Variants in DOCK1 observed in about 807,000 individuals in gnomAD.
DOCK1 encodes dedicator of cytokinesis protein 1.
Under a neutral mutation model 262.7 loss-of-function variants are expected in DOCK1, and 138 were observed. The observed-to-expected ratio is 0.53, with a 90% CI of 0.46 to 0.61. The LOEUF is 0.61. Ranked by LOEUF, DOCK1 falls within the 20% of genes least tolerant of loss-of-function variation. The probability of loss-of-function intolerance (pLI) is 0.00; values close to 1 mark genes in which losing one functional copy is unlikely to be tolerated. For synonymous variants in DOCK1, 866 were observed against 867.4 expected (o/e 1.00, Z 0.03); for missense variants, 1,908 against 2,370.7 (o/e 0.80, Z 4.05).
In DOCK1 at chr10:127,277,007, T is replaced by C. The variant is rs138622725; in HGVS notation, c.3044+19578T>C. On this transcript the variant is annotated intron_variant, in intron 29 of 51. Coordinates refer to ENST00000623213, the MANE Select transcript of DOCK1 (RefSeq NM_001290223.2). ...ATCACGTTGATGTGGAGGGGCCTCA[T>C]CTCTCTGGTCCAGCTGGAAATGTGA... is the stretch of plus-strand genomic sequence containing the variant. Among the ~76,000 whole-genome samples, 817 of 152,268 alleles carry C rather than the reference T, an allele frequency of 5.4e-3. 12 individuals are homozygous for C. The highest frequency in any genetic ancestry group is 0.019 in the African/African-American group (777 of 41,546).
In DOCK1 at chr10:127,410,927, A is replaced by G; in HGVS notation, c.4428+3A>G. The G allele has an allele frequency of 6.2e-7, 1 of 1,612,568 alleles. No individual in the cohort carries two copies. Among genetic ancestry groups the G allele is most frequent in the Non-Finnish European group, 8.5e-7 (1 of 1,179,446 alleles). On this transcript the variant is annotated splice_donor_region_variant and intron_variant, in intron 43 of 51. Transcript: ENST00000623213. ...AAAACCCAGACAATGAATTTGCGGT[A>G]AAAAACAAACAAACCACCAAACCAA...
At chr10:127,270,525 T>TCCTC (rs1057038599) in intron 29 of DOCK1, among the ~76,000 whole-genome samples, 93 of 152,164 alleles carry the variant, frequency 6.1e-4, no homozygotes, top group African/African-American at 1.7e-3. Flanking sequence ...TGGCTGACTT[T>TCCTC]CCTCCCTCCC....
chr10:126,933,619 C>T (rs1458132405), intron 1 of DOCK1, among the ~76,000 whole-genome samples: 1 of 151,998 alleles, frequency 6.6e-6, no homozygotes, highest in African/African-American at 2.4e-5. Flanking sequence ...CCTGAGTCAG[C>T]CCCCCGGATG....
intron 27 of DOCK1, among the ~76,000 whole-genome samples, chr10:127,208,684 G>A (rs2057832244): frequency 1.3e-5 from 2 of 151,996 alleles, no homozygotes; most frequent in South Asian, 4.2e-4. Flanking sequence ...TTAAAAACAT[G>A]ACAAAATGTG....
chr10:126,924,312 A>C lies in DOCK1; in HGVS notation c.46+18749A>C, dbSNP rs557246814. On this transcript the variant is annotated intron_variant, in intron 1 of 51. Coordinates refer to ENST00000623213, the MANE Select transcript of DOCK1 (RefSeq NM_001290223.2). The stretch of plus-strand genomic sequence containing the variant: ...TGGAACTCAGTAGGGGGAGGCTGTG[A>C]GTGCTGGAACTCAGTAGGGGGAGGC... Among the ~76,000 whole-genome samples the C allele has an allele frequency of 5.2e-3, 531 of 101,388 alleles. 5 individuals carry two copies. Among genetic ancestry groups the C allele is most frequent in the African/African-American group, 0.021 (500 of 24,382 alleles). 66.5% of individuals were successfully genotyped at this position (101,388 alleles called of 152,430 possible). A position where few individuals can be genotyped will look rare whatever the true frequency, so the allele number is the denominator to read the frequency against.
At chr10:127,194,823 GTTCA>G (rs1246530243) in intron 27 of DOCK1, among the ~76,000 whole-genome samples, 2 of 152,182 alleles carry the variant, frequency 1.3e-5, no homozygotes, top group African/African-American at 4.8e-5. Flanking sequence ...CTCCCCCAAA[GTTCA>G]TTCCCACTCT....
intron 29 of DOCK1, among the ~76,000 whole-genome samples, chr10:127,337,250 C>T (rs2135715714): frequency 6.6e-6 from 1 of 152,238 alleles, no homozygotes; most frequent in South Asian, 2.1e-4. Context: ...TCCTCAGAGG[C>T]TCTCTCAACA....
chr10:127,304,837 ATACCAC>A (rs2061815858), intron 29 of DOCK1, among the ~76,000 whole-genome samples: 1 of 152,182 alleles, frequency 6.6e-6, no homozygotes, highest in African/African-American at 2.4e-5. Flanking sequence ...AGCCATGATC[ATACCAC>A]TGCACTCCAA....
chr10:126,967,791 T>G (rs1012789555), intron 1 of DOCK1, among the ~76,000 whole-genome samples: 2 of 152,300 alleles, frequency 1.3e-5, no homozygotes, highest in Admixed American at 1.3e-4. Context: ...GATCCAGGAT[T>G]AACGCTCATC....
At chr10:127,129,761 T>C (rs2050194993) in intron 27 of DOCK1, among the ~76,000 whole-genome samples, 1 of 152,120 alleles carries the variant, frequency 6.6e-6, no homozygotes, top group African/African-American at 2.4e-5. Context: ...GCCAAGACCC[T>C]CTTGGGATGG....
intron 22 of DOCK1, 80 bp from the exon 23 acceptor site, chr10:127,061,588 C>T (rs1378271441): frequency 2.5e-6 from 3 of 1,181,396 alleles, no homozygotes; most frequent in African/African-American, 1.5e-5. Context: ...CAAGTGATTC[C>T]CTTCATGGCT....
intron 29 of DOCK1, among the ~76,000 whole-genome samples, chr10:127,258,467 A>G (rs2059903412): frequency 6.6e-6 from 1 of 152,234 alleles, no homozygotes; most frequent in African/African-American, 2.4e-5. Flanking sequence ...TGTTGCCTGT[A>G]TCAATAGCTT....
chr10:126,939,453 C>T (rs1026470378), intron 1 of DOCK1, among the ~76,000 whole-genome samples: 165 of 152,266 alleles, frequency 1.1e-3, no homozygotes, highest in Non-Finnish European at 1.5e-3. Context: ...ATGAATTTTT[C>T]TATTTCTGCA....
At chr10:127,351,203 G>A (rs1356857598) in intron 31 of DOCK1, among the ~76,000 whole-genome samples, 2 of 152,174 alleles carry the variant, frequency 1.3e-5, no homozygotes, top group South Asian at 2.1e-4. Flanking sequence ...TGGACGATAG[G>A]AAGTGTGCCT....
At chr10:127,288,236 G>T (rs1472804656) in intron 29 of DOCK1, among the ~76,000 whole-genome samples, 2 of 152,050 alleles carry the variant, frequency 1.3e-5, no homozygotes, top group African/African-American at 2.4e-5. Context: ...GGATTCCTGG[G>T]TCCTTACCAC....
chr10:127,407,990 A>G (rs1344683224), intron 40 of DOCK1, among the ~76,000 whole-genome samples: 1 of 152,110 alleles, frequency 6.6e-6, no homozygotes, highest in Non-Finnish European at 1.5e-5. Context: ...GCATTACACT[A>G]GGTACTCATT....
intron 13 of DOCK1, among the ~76,000 whole-genome samples, chr10:127,020,969 A>G (rs187161868): frequency 2.3e-3 from 345 of 152,278 alleles, no homozygotes; most frequent in African/African-American, 7.9e-3. Flanking sequence ...GGATCCAGGC[A>G]GGCGATGCCA....
chr10:126,924,761 T>C (rs1466357800), intron 1 of DOCK1, among the ~76,000 whole-genome samples: 4 of 152,218 alleles, frequency 2.6e-5, no homozygotes, highest in Non-Finnish European at 5.9e-5. Context: ...AGTTTCCCTC[T>C]TTGATCTCTG....
chr10:126,957,374 C>A (rs2036830176), intron 1 of DOCK1, among the ~76,000 whole-genome samples: 1 of 152,194 alleles, frequency 6.6e-6, no homozygotes, highest in South Asian at 2.1e-4. Context: ...TGTGCAACTT[C>A]TCCAAAAGTG....
Sources: allele counts gnomAD v4.1 joint callset (sites outside exome capture counted in the v4.1 genomes callset), GRCh38; gene constraint gnomAD v4.1.1; transcripts MANE v1.5; gene names NCBI Gene and HGNC (gene_info 2026-07-23, HGNC 2026-07-21).